Variants in KLHL22 observed in about 807,000 individuals in gnomAD.
KLHL22 encodes the protein kelch like family member 22.
Under a neutral mutation model 60.7 loss-of-function variants are expected in KLHL22, and 18 were observed. The ratio of observed to expected loss-of-function variants is 0.30; its 90% CI spans 0.20 to 0.44. The LOEUF is 0.44. KLHL22 is among the 20% of genes least tolerant of loss of function. The pLI is 1.00. For missense variants in KLHL22, 596 were observed against 852.3 expected, an observed-to-expected ratio of 0.70 and a Z score of 3.74; for synonymous variants, 355 against 354.5, an observed-to-expected ratio of 1.00 and a Z score of -0.01.
intron 1 of KLHL22, among the ~76,000 whole-genome samples, chr22:20,490,160 A>G (rs1323268636): frequency 2.6e-5 from 4 of 152,344 alleles, no homozygotes; most frequent in African/African-American, 9.6e-5. Context: ...AGTCAGCTAC[A>G]AGATGTGAAC....
At chr22:20,490,282 A>G (rs962430727) in intron 1 of KLHL22, among the ~76,000 whole-genome samples, 2 of 152,130 alleles carry the variant, frequency 1.3e-5, no homozygotes, top group African/African-American at 2.4e-5. Context: ...TCTGAGACTT[A>G]TATCGCTGGA....
At chr22:20,444,101 T>A (rs966949108) in intron 6 of KLHL22, among the ~76,000 whole-genome samples, 60 of 146,596 alleles carry the variant, frequency 4.1e-4, no homozygotes, top group Admixed American at 3.3e-3. Context: ...ACAAGAGAGC[T>A]GAGAAGTGAG....
rs896635746 is a variant in KLHL22 at position 20,482,390 on chromosome 22, A to AT, written c.227+6594dup. Among the ~76,000 whole-genome samples, 744 of 146,582 alleles carry AT rather than the reference A, an allele frequency of 5.1e-3. 15 individuals are homozygous for AT. Among genetic ancestry groups the AT allele is most frequent in the Admixed American group, 0.034 (497 of 14,712 alleles). On this transcript the variant is annotated intron_variant, in intron 2 of 6. Transcript: ENST00000328879. ...AGACAGATTCCCTAGCATGAAACCAATTTTTTTTTTTTGAGACAAGGTCTT... is the reference window on the plus strand; with the variant it reads ...AGACAGATTCCCTAGCATGAAACCAATTTTTTTTTTTTTGAGACAAGGTCTT...
At chr22:20,452,049 A>T (rs2052988126) in intron 5 of KLHL22, among the ~76,000 whole-genome samples, 1 of 152,072 alleles carries the variant, frequency 6.6e-6, no homozygotes, top group Admixed American at 6.6e-5. Flanking sequence ...ATGCACATTG[A>T]ATGGATGTGA....
chr22:20,494,287 C>T (rs774854065), intron 1 of KLHL22, among the ~76,000 whole-genome samples: 52 of 152,174 alleles, frequency 3.4e-4, no homozygotes, highest in Non-Finnish European at 5.0e-4. Flanking sequence ...TTGGGGTTCA[C>T]TGCAGTCTCA....
chr22:20,458,015 G>C lies in KLHL22; in HGVS notation c.1113-15C>G. On this transcript the variant is annotated splice_polypyrimidine_tract_variant and intron_variant, in intron 4 of 6. Coordinates refer to ENST00000328879, the MANE Select transcript of KLHL22 (RefSeq NM_032775.4). Reference sequence around the variant, plus strand: ...GTGGGTCATACCTGTGCCGAGACATGAGGAAAGCACAGCACTGACTAGGCA... The same window carrying C: ...GTGGGTCATACCTGTGCCGAGACATCAGGAAAGCACAGCACTGACTAGGCA... The C allele has an allele frequency of 6.2e-7, 1 of 1,613,566 alleles. No homozygotes were observed. Among genetic ancestry groups the C allele is most frequent in the Non-Finnish European group, 8.5e-7 (1 of 1,179,726 alleles).
chr22:20,442,531 C>G, intron 6 of KLHL22, 93 bp from the exon 7 acceptor site: 9 of 1,435,876 alleles, frequency 6.3e-6, no homozygotes, highest in Non-Finnish European at 8.3e-6. Flanking sequence ...GCAACAGTTA[C>G]CCACCATTCT....
In KLHL22 at chr22:20,465,041, G is replaced by A. The variant is rs759456801; in HGVS notation, c.929C>T (p.Pro310Leu). ...GGCCTGGTCGCTGAGGACAGTGGAC[G>A]GCGTGGAGTGAATGCCCCCGAAGCC... Reference protein sequence around the residue: ...VVGFGGIHSTPSTVLSDQAKY... With the variant: ...VVGFGGIHSTLSTVLSDQAKY... The change falls in exon 4 of 7, where the codon CCG (proline) becomes CTG (leucine). Residue 310 changes from proline (P) to leucine (L), a missense_variant. Pro to Leu is a moderately conservative substitution (Grantham distance 98, BLOSUM62 -3). Coordinates refer to ENST00000328879, the MANE Select transcript of KLHL22 (RefSeq NM_032775.4). The surrounding 1 kb of genome is among the most constrained non-coding windows in gnomAD (Gnocchi z 4.9). 8.7e-6 allele frequency: 14 copies of A among 1,611,184 alleles called. No individual in the cohort carries two copies. The highest frequency in any genetic ancestry group is 2.7e-5 in the African/African-American group (2 of 74,886).
chr22:20,450,730 A>T (rs1342776215), intron 5 of KLHL22: 2 of 1,349,540 alleles, frequency 1.5e-6, no homozygotes, highest in Non-Finnish European at 2.1e-6. Context: ...CAGTTGGGTG[A>T]AGCATGCCAA....
intron 2 of KLHL22, among the ~76,000 whole-genome samples, chr22:20,473,128 C>T (rs904199155): frequency 6.6e-6 from 1 of 152,194 alleles, no homozygotes; most frequent in Non-Finnish European, 1.5e-5. Flanking sequence ...ACTGGCTTTC[C>T]GACTCAGGTG....
chr22:20,475,229 G>A (rs1231562651), intron 2 of KLHL22: 2 of 148,412 alleles, frequency 1.3e-5, no homozygotes, highest in African/African-American at 5.0e-5. Flanking sequence ...GCAGTAGTGA[G>A]AAGGTGAAAA....
At chr22:20,469,691 G>C (rs1048421470) in intron 3 of KLHL22, among the ~76,000 whole-genome samples, 2 of 152,098 alleles carry the variant, frequency 1.3e-5, no homozygotes, top group Non-Finnish European at 2.9e-5. Context: ...TCTGAGAACA[G>C]GGCACAGGGA....
intron 5 of KLHL22, chr22:20,451,455 T>G: frequency 6.2e-7 from 1 of 1,603,896 alleles, no homozygotes; most frequent in Non-Finnish European, 8.5e-7. Flanking sequence ...TTGAGAAATA[T>G]GACCCTCATA....
chr22:20,482,036 C>CG (rs2053511598), intron 2 of KLHL22: 1 of 152,186 alleles, frequency 6.6e-6, no homozygotes, highest in South Asian at 2.1e-4. Context: ...CATCCTGGGC[C>CG]GGTTCACACC....
At chr22:20,486,546 T>C (rs1188322945) in intron 2 of KLHL22, among the ~76,000 whole-genome samples, 1 of 152,146 alleles carries the variant, frequency 6.6e-6, no homozygotes, top group Non-Finnish European at 1.5e-5. Flanking sequence ...CCCTTGCCCA[T>C]ATCAAATATT....
Position 20,442,295 on chromosome 22 carries a change from G to A in KLHL22, c.1683C>T (p.Gly561=), listed in dbSNP as rs1601314406. Residue 561 remains glycine (G), a synonymous_variant, in exon 7 of 7, where the codon GGC becomes GGT. Transcript: ENST00000328879. The part of the protein sequence containing the change: ...GRSHNRGSRT[G]YVHIYDVEKD... ...TCTCCACATCGTAAATGTGCACGTAGCCTGTGCGGCTGCCGCGGTTGTGTG... is the reference window on the plus strand; with the variant it reads ...TCTCCACATCGTAAATGTGCACGTAACCTGTGCGGCTGCCGCGGTTGTGTG... The A allele has an allele frequency of 1.2e-6, 2 of 1,613,992 alleles. No individual in the cohort carries two copies.
chr22:20,460,372 G>A (rs1471900035), intron 4 of KLHL22, among the ~76,000 whole-genome samples: 2 of 152,236 alleles, frequency 1.3e-5, no homozygotes, highest in Non-Finnish European at 2.9e-5. Context: ...ACTTTGGGAG[G>A]CTGAGGCGGG....
At chr22:20,457,173 AAGAG>A (rs1222516187) in intron 5 of KLHL22, among the ~76,000 whole-genome samples, 2 of 152,134 alleles carry the variant, frequency 1.3e-5, no homozygotes, top group African/African-American at 4.8e-5. Context: ...CGTAAGATAA[AAGAG>A]AGGCACCTCC....
At chr22:20,468,589 T>C (rs1213906888) in intron 3 of KLHL22, among the ~76,000 whole-genome samples, 2 of 152,136 alleles carry the variant, frequency 1.3e-5, no homozygotes, top group East Asian at 3.8e-4. Context: ...TGAACATACA[T>C]GATTCTACAG....
Sources: gnomAD v4.1 joint callset for allele counts (sites outside exome capture counted in the v4.1 genomes callset) on GRCh38, gnomAD v4.1.1 for gene constraint, Gnocchi (gnomAD v3.1) non-coding constraint, MANE v1.5 for transcripts, NCBI Gene and HGNC (gene_info 2026-07-23, HGNC 2026-07-21) for gene names.